SPATA33: variants seen among roughly 807,000 people sequenced by gnomAD.
SPATA33 encodes spermatogenesis-associated protein 33.
A neutral mutation model predicts 8.9 loss-of-function variants in SPATA33; 10 were observed. The ratio of observed to expected loss-of-function variants is 1.12; its 90% confidence interval spans 0.69 to 1.90. The LOEUF (loss-of-function observed/expected upper bound fraction) is 1.90, where lower values mean the gene tolerates loss of function less well. Among genes scored for constraint, SPATA33 ranks in the 40% most tolerant of loss-of-function variants. The pLI, the probability that SPATA33 is intolerant of heterozygous loss-of-function variation, is 0.00. For missense variants in SPATA33, 241 were observed against 178.3 expected, an observed-to-expected ratio of 1.35 and a Z score of -2.00; for synonymous variants, 96 against 72.8, an observed-to-expected ratio of 1.32 and a Z score of -1.63.
chr16:89,669,477 A>G lies in SPATA33; in HGVS notation c.403A>G (p.Asn135Asp), dbSNP rs765255879. The G allele has an allele frequency of 3.4e-5, 55 of 1,612,848 alleles. No individual in the cohort carries two copies. The highest frequency in any genetic ancestry group is 4.5e-5 in the Non-Finnish European group (53 of 1,180,004). Reference protein sequence around the residue: ...HRNPSTADAYNSHLKE With the variant: ...HRNPSTADAYDSHLKE ...GAACCCCAGTACAGCAGACGCCTAT[A>G]ATTCACATCTCAAAGAATAAACAAG... The change falls in exon 3 of 3, where the codon AAT becomes GAT. Residue 135 changes from asparagine to aspartate, a missense_variant. Transcript: ENST00000579310.
chr16:89,660,977 C>A (rs2059958860), intron 2 of SPATA33: 1 of 1,000,620 alleles, frequency 1.0e-6, no homozygotes, highest in Non-Finnish European at 1.2e-6. Context: ...CCAAGAGCTT[C>A]CCTGTACGTC....
chr16:89,664,301 G>A (rs529140543), intron 2 of SPATA33, among the ~76,000 whole-genome samples: 3 of 152,340 alleles, frequency 2.0e-5, no homozygotes, highest in South Asian at 2.1e-4. Context: ...ACACGTTGCT[G>A]TGGAGGCACA....
chr16:89,665,034 C>T (rs537045082), intron 2 of SPATA33, among the ~76,000 whole-genome samples: 19 of 152,304 alleles, frequency 1.2e-4, no homozygotes, highest in African/African-American at 4.6e-4. Flanking sequence ...GAGATGGTCT[C>T]ACCCAGGCTG....
At position 89,658,236 on chromosome 16, in the gene SPATA33, CAT is replaced by C. The variant is rs1365932984; in HGVS notation, c.38-7_38-6del. The C allele has an allele frequency of 6.2e-7, 1 of 1,614,014 alleles. No homozygotes were observed. Among genetic ancestry groups the C allele is most frequent in the Non-Finnish European group, 8.5e-7 (1 of 1,179,910 alleles). On this transcript the variant is annotated splice_polypyrimidine_tract_variant and intron_variant, in intron 1 of 2. Coordinates refer to ENST00000579310, the MANE Select transcript of SPATA33 (RefSeq NM_001271907.2). ...TAAGTCCCGGGTCTAACGGATGATC[CAT>C]ATATTTCAGGTGAGGAGCAAAAGAA...
At chr16:89,658,179 G>C in intron 1 of SPATA33, 69 bp from the exon 2 acceptor site, 1 of 1,597,000 alleles carries the variant, frequency 6.3e-7, no homozygotes, top group Non-Finnish European at 8.6e-7. Context: ...GCAGGCGACT[G>C]AAGACGATGG....
At position 89,657,963 on chromosome 16, in the gene SPATA33, G is replaced by A. The variant is rs1192856133; in HGVS notation, c.37+15G>A. Reference sequence around the variant, plus strand: ...ACCCAGGAAAGGTAAAGGAGGCGCAGGCGCTGGGCTCCCCGCGTCTCCGCC... The same window carrying A: ...ACCCAGGAAAGGTAAAGGAGGCGCAAGCGCTGGGCTCCCCGCGTCTCCGCC... On this transcript the variant is annotated intron_variant, in intron 1 of 2. Coordinates refer to ENST00000579310, the MANE Select transcript of SPATA33 (RefSeq NM_001271907.2). The A allele has an allele frequency of 1.3e-6, 2 of 1,509,540 alleles. No individual in the cohort carries two copies. Among genetic ancestry groups the A allele is most frequent in the African/African-American group, 1.4e-5 (1 of 69,304 alleles). 93.5% of individuals were successfully genotyped at this position (1,509,540 alleles called of 1,614,324 possible). A position where few individuals can be genotyped will look rare whatever the true frequency, so the allele number is the denominator to read the frequency against.
At chr16:89,669,225 T>G in intron 2 of SPATA33, 61 bp from the exon 3 acceptor site, 1 of 1,464,210 alleles carries the variant, frequency 6.8e-7, no homozygotes, top group Admixed American at 1.7e-5. Flanking sequence ...GCAGGAGGTG[T>G]GTGCATCGTG....
intron 1 of SPATA33, 90 bp from the exon 2 acceptor site, chr16:89,658,158 T>A: frequency 6.3e-7 from 1 of 1,578,622 alleles, no homozygotes; most frequent in Non-Finnish European, 8.6e-7. Flanking sequence ...GCCAGCTTAT[T>A]CTGGACCCAC....
chr16:89,666,854 G>A (rs1019181459), intron 2 of SPATA33, among the ~76,000 whole-genome samples: 8 of 152,190 alleles, frequency 5.3e-5, no homozygotes, highest in Non-Finnish European at 7.3e-5. Flanking sequence ...GACAGCTTAC[G>A]CCGTTATTTC....
chr16:89,669,374 C>T lies in SPATA33; in HGVS notation c.300C>T (p.Val100=), dbSNP rs139860991. 796 of 1,614,060 alleles carry T rather than the reference C, an allele frequency of 4.9e-4. No homozygotes were observed. The highest frequency in any genetic ancestry group is 9.9e-4 in the South Asian group (90 of 91,078). Residue 100 remains valine (V), a synonymous_variant, in exon 3 of 3, where the codon GTC becomes GTT. Coordinates refer to ENST00000579310, the MANE Select transcript of SPATA33 (RefSeq NM_001271907.2). The part of the protein sequence containing the change: ...IITRASNETL[V]SCSSSGSDQQ... ...CGCGAGCGTCGAATGAGACGCTAGT[C>T]AGTTGCAGTTCCAGCGGGAGTGACC... is the stretch of plus-strand genomic sequence containing the variant.
chr16:89,664,030 G>C (rs530195477), intron 2 of SPATA33, among the ~76,000 whole-genome samples: 8 of 152,226 alleles, frequency 5.3e-5, no homozygotes, highest in African/African-American at 1.9e-4. Context: ...GAGATAGGAG[G>C]ATCCCTTGAC....
rs943713115 is a variant in SPATA33, at chr16:89,661,375, G to A, written c.211+2954G>A. On this transcript the variant is annotated intron_variant, in intron 2 of 2. Coordinates refer to ENST00000579310, the MANE Select transcript of SPATA33 (RefSeq NM_001271907.2). The stretch of plus-strand genomic sequence containing the variant: ...ATGGTTTTAAAAACGGGAGTTTCCT[G>A]CATAAGCTCTCTCTCTGCCTGCTGC... 8.5e-5 allele frequency: 19 copies of A among 223,794 alleles called. No homozygotes were observed. The Admixed American group carries it at 9.1e-4, about 11-fold the overall frequency. 13.9% of individuals were successfully genotyped at this position (223,794 alleles called of 1,614,324 possible).
chr16:89,664,392 A>G (rs1157868212), intron 2 of SPATA33, among the ~76,000 whole-genome samples: 2 of 152,138 alleles, frequency 1.3e-5, no homozygotes, highest in African/African-American at 4.8e-5. Flanking sequence ...GGAAACAGCC[A>G]TGTGTAACCC....
At position 89,665,606 on chromosome 16, in the gene SPATA33, G is replaced by A. The variant is rs529395786; in HGVS notation, c.212-3680G>A. Among the ~76,000 whole-genome samples the A allele has an allele frequency of 3.0e-4, 45 of 152,124 alleles. 1 individual carries two copies. The South Asian group carries it at 6.4e-3, about 22-fold the overall frequency. Reference sequence around the variant, plus strand: ...TGGGATTACAGGCGTGAGCCACTGCGTCTGGCCTAATATTTCTAAATGAAG... The same window carrying A: ...TGGGATTACAGGCGTGAGCCACTGCATCTGGCCTAATATTTCTAAATGAAG... On this transcript the variant is annotated intron_variant, in intron 2 of 2. Coordinates refer to ENST00000579310, the MANE Select transcript of SPATA33 (RefSeq NM_001271907.2).
At chr16:89,660,458 T>C (rs1447325770) in intron 2 of SPATA33, 2 of 1,231,424 alleles carry the variant, frequency 1.6e-6, no homozygotes, top group Admixed American at 8.5e-5. Context: ...GGGAGGAAGG[T>C]GGACATGAAG....
chr16:89,663,711 A>G (rs1395123724), intron 2 of SPATA33, among the ~76,000 whole-genome samples: 1 of 151,906 alleles, frequency 6.6e-6, no homozygotes, highest in Admixed American at 6.6e-5. Flanking sequence ...CAGCAGGAGG[A>G]AGATGGGATT....
intron 2 of SPATA33, among the ~76,000 whole-genome samples, chr16:89,667,116 T>C (rs2060036508): frequency 6.6e-6 from 1 of 152,218 alleles, no homozygotes. Flanking sequence ...CCTGGTCTGC[T>C]AAGTAGTGGG....
In SPATA33 at chr16:89,670,070, G is replaced by A. The variant is rs182901284; in HGVS notation, c.*573G>A. On this transcript the variant is annotated 3_prime_UTR_variant, in exon 3 of 3. Coordinates refer to ENST00000579310, the MANE Select transcript of SPATA33 (RefSeq NM_001271907.2). ...GGGCCACCCCACCCTGTGAGAAGCC[G>A]TGGCCCCCTTCTCCAGTGCTTTCGG... 3.1e-3 allele frequency: 441 copies of A among 144,354 alleles called. 7 individuals are homozygous for A. Among genetic ancestry groups the A allele is most frequent in the Non-Finnish European group, 3.7e-4 (25 of 67,674 alleles). 8.9% of individuals were successfully genotyped at this position (144,354 alleles called of 1,614,324 possible). A position where few individuals can be genotyped will look rare whatever the true frequency, so the allele number is the denominator to read the frequency against.
chr16:89,666,214 T>C (rs2151532777), intron 2 of SPATA33, among the ~76,000 whole-genome samples: 1 of 152,258 alleles, frequency 6.6e-6, no homozygotes. Flanking sequence ...TGGGAATATA[T>C]GGTCCCATAG....
Sources: allele counts gnomAD v4.1 joint callset (sites outside exome capture counted in the v4.1 genomes callset), GRCh38; gene constraint gnomAD v4.1.1; transcripts MANE v1.5; gene names NCBI Gene and HGNC (gene_info 2026-07-23, HGNC 2026-07-21).